Variants in PROX1 observed in about 807,000 individuals in gnomAD.
PROX1 encodes prospero homeobox protein 1.
Under a neutral mutation model 58.8 loss-of-function variants are expected in PROX1, and 7 were observed. The observed-to-expected ratio is 0.12, with a 90% CI of 0.07 to 0.22. The LOEUF (loss-of-function observed/expected upper bound fraction) is 0.22. Ranked by LOEUF, PROX1 falls within the 10% of genes least tolerant of loss-of-function variation. The pLI, the probability that PROX1 is intolerant of heterozygous loss-of-function variation, is 1.00. For missense variants in PROX1, 675 were observed against 927.8 expected (o/e 0.73, Z 3.54); for synonymous variants, 350 against 358.3 (o/e 0.98, Z 0.26).
chr1:214,001,580 G>A (rs1456565102), intron 2 of PROX1, among the ~76,000 whole-genome samples: 3 of 152,068 alleles, frequency 2.0e-5, no homozygotes, highest in Non-Finnish European at 2.9e-5. Context: ...TGAAACAGCC[G>A]GCTTTTTCTA....
At chr1:213,999,959 C>A (rs905048951) in intron 2 of PROX1, among the ~76,000 whole-genome samples, 1 of 152,044 alleles carries the variant, frequency 6.6e-6, no homozygotes, top group Admixed American at 6.6e-5. Context: ...AGGGCTAAGA[C>A]CCCATTGCAC....
intron 4 of PROX1, chr1:214,030,267 C>T (rs1664601969): frequency 1.3e-5 from 2 of 152,226 alleles, no homozygotes; most frequent in African/African-American, 2.4e-5. Flanking sequence ...TGTACTTTCC[C>T]ATTCGCTAGC....
At chr1:214,033,207 G>A (rs967125102) in intron 4 of PROX1, among the ~76,000 whole-genome samples, 2 of 152,184 alleles carry the variant, frequency 1.3e-5, no homozygotes, top group African/African-American at 4.8e-5. Flanking sequence ...GCCATGTCAT[G>A]CTGCATCCCT....
At chr1:213,990,878 C>T (rs1663011126) in intron 1 of PROX1, among the ~76,000 whole-genome samples, 1 of 152,128 alleles carries the variant, frequency 6.6e-6, no homozygotes, top group African/African-American at 2.4e-5. Flanking sequence ...GTTAAATAAT[C>T]TCATAAAGTA....
intron 4 of PROX1, among the ~76,000 whole-genome samples, chr1:214,016,545 C>T (rs1408235224): frequency 1.3e-5 from 2 of 152,052 alleles, no homozygotes; most frequent in African/African-American, 2.4e-5. Flanking sequence ...TGGTGGGTGG[C>T]GAGGAGGAAA....
In PROX1 at chr1:213,997,177, C is replaced by G. The variant is rs948229434; in HGVS notation, c.642C>G (p.Pro214=). Residue 214 remains proline (P), a synonymous_variant, in exon 2 of 5, where the codon CCC becomes CCG. Transcript: ENST00000366958. This position sits in a 1 kb window ranked among gnomAD's most constrained non-coding sequence, Gnocchi z 7.1. ...AAAACAAACGCAAGCAAAAGCTTCC[C>G]CAGCAGCAGCAACAGAGTTTCCAGC... is the stretch of plus-strand genomic sequence containing the variant. The part of the protein sequence containing the change: ...YRENKRKQKL[P]QQQQQSFQQL... 4 of 1,613,442 alleles carry G rather than the reference C, an allele frequency of 2.5e-6. No homozygotes were observed. The highest frequency in any genetic ancestry group is 3.4e-6 in the Non-Finnish European group (4 of 1,179,900).
At chr1:214,021,900 TG>T (rs560575287) in intron 4 of PROX1, among the ~76,000 whole-genome samples, 255 of 152,350 alleles carry the variant, frequency 1.7e-3, no homozygotes, top group African/African-American at 5.8e-3. Context: ...GATCAAGCAC[TG>T]GGGTATTTGA....
rs866564672 is a variant in PROX1 at position 213,997,751 on chromosome 1, A to T, written c.1216A>T (p.Asn406Tyr). Residue 406 changes from asparagine to tyrosine, a missense_variant, in exon 2 of 5, where the codon AAC (asparagine) becomes TAC (tyrosine). Asn to Tyr is a moderately radical substitution (Grantham distance 143). Around this residue, in one of 8 missense-constraint regions of PROX1, gnomAD observed 403 missense variants for 477.4 expected, o/e 0.84. Coordinates refer to ENST00000366958, the MANE Select transcript of PROX1 (RefSeq NM_001270616.2). The surrounding 1 kb of genome is among the most constrained non-coding windows in gnomAD (Gnocchi z 7.1). Reference protein sequence around the residue: ...NGENHNFHTANQRLQCFGDVI... With the variant: ...NGENHNFHTAYQRLQCFGDVI... ...GGAAAACCACAATTTCCACACCGCC[A>T]ACCAGCGCCTGCAGTGCTTTGGCGA... The T allele has an allele frequency of 1.2e-6, 2 of 1,614,078 alleles. No individual in the cohort carries two copies. The highest frequency in any genetic ancestry group is 1.7e-6 in the Non-Finnish European group (2 of 1,180,032).
At chr1:214,010,919 G>C (rs1663885859) in intron 3 of PROX1, among the ~76,000 whole-genome samples, 1 of 152,144 alleles carries the variant, frequency 6.6e-6, no homozygotes, top group African/African-American at 2.4e-5. Flanking sequence ...GACCTCACCA[G>C]ACATGAATGC....
At chr1:214,008,815 A>AAAG (rs1277874345) in intron 3 of PROX1, among the ~76,000 whole-genome samples, 1 of 152,200 alleles carries the variant, frequency 6.6e-6, no homozygotes, top group Non-Finnish European at 1.5e-5. Flanking sequence ...GAATCTAAAC[A>AAAG]AAGTTCTATG....
At chr1:214,028,807 A>G (rs1664545770) in intron 4 of PROX1, 1 of 152,244 alleles carries the variant, frequency 6.6e-6, no homozygotes, top group Admixed American at 6.5e-5. Flanking sequence ...GGCTGTACAC[A>G]CAGGATAAAT....
chr1:214,023,216 T>C (rs1558184500), intron 4 of PROX1, among the ~76,000 whole-genome samples: 1 of 152,250 alleles, frequency 6.6e-6, no homozygotes, highest in Non-Finnish European at 1.5e-5. Context: ...AGTGAAGCCC[T>C]CATGCCATTG....
intron 4 of PROX1, among the ~76,000 whole-genome samples, chr1:214,011,966 A>T (rs1328346309): frequency 6.6e-6 from 1 of 152,148 alleles, no homozygotes; most frequent in Admixed American, 6.5e-5. Flanking sequence ...GGCCACAGAA[A>T]AGGGAACTGT....
chr1:214,025,914 A>C (rs941497941), intron 4 of PROX1, among the ~76,000 whole-genome samples: 1 of 152,092 alleles, frequency 6.6e-6, no homozygotes. Context: ...CACCCGCCTC[A>C]GCCTCCCAAA....
chr1:214,013,093 G>T (rs1663971692), intron 4 of PROX1, among the ~76,000 whole-genome samples: 1 of 151,924 alleles, frequency 6.6e-6, no homozygotes, highest in Admixed American at 6.6e-5. Context: ...TGCTCTCTAA[G>T]ACTAATATAT....
At chr1:213,991,100 TA>T (rs1352650107) in intron 1 of PROX1, among the ~76,000 whole-genome samples, 12 of 152,294 alleles carry the variant, frequency 7.9e-5, no homozygotes, top group Admixed American at 5.9e-4. Flanking sequence ...AAAACGAGAG[TA>T]TTCACATTAA....
intron 2 of PROX1, among the ~76,000 whole-genome samples, chr1:214,004,708 T>G (rs1192705306): frequency 6.6e-6 from 1 of 152,196 alleles, no homozygotes; most frequent in Non-Finnish European, 1.5e-5. Context: ...ATTTTATATT[T>G]TCATGTACAT....
At chr1:214,023,202 T>A (rs917965270) in intron 4 of PROX1, among the ~76,000 whole-genome samples, 1 of 152,232 alleles carries the variant, frequency 6.6e-6, no homozygotes, top group Admixed American at 6.5e-5. Context: ...TGAGGAAATT[T>A]GTCAGTGAAG....
intron 3 of PROX1, among the ~76,000 whole-genome samples, chr1:214,009,730 GA>G (rs1182174436): frequency 6.6e-6 from 1 of 151,586 alleles, no homozygotes; most frequent in Non-Finnish European, 1.5e-5. Context: ...GACCATTCTA[GA>G]AAAAAAATAC....
Sources: allele counts gnomAD v4.1 joint callset (sites outside exome capture counted in the v4.1 genomes callset), GRCh38; gene constraint gnomAD v4.1.1; regional missense constraint gnomAD v4.1.1; non-coding constraint Gnocchi (gnomAD v3.1); transcripts MANE v1.5; gene names NCBI Gene and HGNC (gene_info 2026-07-23, HGNC 2026-07-21).